The following DNAH5 variants were observed in gnomAD, a reference collection of about 807,000 sequenced individuals.
DNAH5 encodes the protein dynein axonemal heavy chain 5, also known as axonemal beta dynein heavy chain 5.
A neutral mutation model predicts 518.2 loss-of-function variants in DNAH5; 372 were observed. The observed-to-expected ratio is 0.72, with a 90% CI of 0.66 to 0.78. The LOEUF is 0.78. Ranked by LOEUF, DNAH5 falls within the 30% of genes least tolerant of loss-of-function variation. The probability of loss-of-function intolerance (pLI) is 0.00; values close to 1 mark genes in which losing one functional copy is unlikely to be tolerated. For synonymous variants in DNAH5, 2,039 were observed against 2,025.9 expected (o/e 1.01, Z -0.17); for missense variants, 5,523 against 5,687.0 (o/e 0.97, Z 0.93).
intron 59 of DNAH5, among the ~76,000 whole-genome samples, chr5:13,765,704 AAT>A (rs1441536160): frequency 6.6e-6 from 1 of 152,236 alleles, no homozygotes; most frequent in Non-Finnish European, 1.5e-5. Context: ...TATTCATGTG[AAT>A]ATAATATAAA....
At chr5:13,921,475 T>TCTCA (rs1554103992) in intron 5 of DNAH5, among the ~76,000 whole-genome samples, 6,747 of 72,958 alleles carry the variant, frequency 0.092, 235 homozygotes, top group South Asian at 0.18. Flanking sequence ...TATCTCTCTC[T>TCTCA]CACACACACA....
chr5:13,982,194 T>C (rs1032309652), intron 1 of DNAH5, among the ~76,000 whole-genome samples: 1 of 152,274 alleles, frequency 6.6e-6, no homozygotes, highest in Non-Finnish European at 1.5e-5. Context: ...GACAATAAAC[T>C]TTCAATTTTT....
At chr5:13,980,327 A>C (rs540629102) in intron 1 of DNAH5, among the ~76,000 whole-genome samples, 3 of 151,762 alleles carry the variant, frequency 2.0e-5, no homozygotes, top group Admixed American at 1.3e-4. Flanking sequence ...TGAACCTCCA[A>C]TTTCTTATCT....
At position 13,841,654 on chromosome 5, in the gene DNAH5, A is replaced by C. The variant is rs1371001677; in HGVS notation, c.5484+38T>G. ...GTAATGTCTGAGACTTAAAATGACT[A>C]TTTTACAAAACATACTTTCAAATTT... On this transcript the variant is annotated intron_variant, in intron 33 of 78. Coordinates refer to ENST00000265104, the MANE Select transcript of DNAH5 (RefSeq NM_001369.3). The C allele has an allele frequency of 3.3e-6, 5 of 1,516,616 alleles. No homozygotes were observed. In the African/African-American group the frequency reaches 6.9e-5, roughly 21 times the overall value. 93.9% of individuals were successfully genotyped at this position (1,516,616 alleles called of 1,614,324 possible). A position where few individuals can be genotyped will look rare whatever the true frequency, so the allele number is the denominator to read the frequency against.
chr5:13,841,272 T>A (rs1765121206), intron 33 of DNAH5, 142 bp from the exon 34 acceptor site: 1 of 704,202 alleles, frequency 1.4e-6, no homozygotes. Context: ...TTTCATAACC[T>A]ATGGAAATTC....
chr5:13,917,402 T>C (rs925736580), intron 7 of DNAH5, 146 bp from the exon 8 acceptor site: 13 of 686,736 alleles, frequency 1.9e-5, no homozygotes, highest in African/African-American at 3.6e-5. Context: ...GCGAGAGATA[T>C]TGCTATGCTG....
intron 1 of DNAH5, among the ~76,000 whole-genome samples, chr5:14,009,871 A>C: frequency 6.6e-6 from 1 of 152,238 alleles, no homozygotes; most frequent in Admixed American, 6.5e-5. Flanking sequence ...TCTTAGGAGA[A>C]GAATGTTGTG....
Position 13,692,113 on chromosome 5 carries a change from G to A in DNAH5, c.13746C>T (p.Tyr4582=), listed in dbSNP as rs369094478. The A allele has an allele frequency of 1.3e-5, 21 of 1,614,052 alleles. No homozygotes were observed. In the African/African-American group the frequency reaches 2.5e-4, roughly 19 times the overall value. The change falls in exon 79 of 79, where the codon TAC becomes TAT. Residue 4582 remains tyrosine, a synonymous_variant. Coordinates refer to ENST00000265104, the MANE Select transcript of DNAH5 (RefSeq NM_001369.3). Reference sequence around the variant, plus strand: ...CTGGCTTCTTATAGATGGGACAGGAGTAAAACCGAGGATCTCGTAAAGCTA... The same window carrying A: ...CTGGCTTCTTATAGATGGGACAGGAATAAAACCGAGGATCTCGTAAAGCTA... ...ENNTLRDPRF[Y]SCPIYKKPVR...
At chr5:13,701,248 TATA>T in intron 77 of DNAH5, 33 bp downstream of exon 77, 2 of 1,613,816 alleles carry the variant, frequency 1.2e-6, no homozygotes, top group South Asian at 1.1e-5. Flanking sequence ...GGAGGAAAAT[TATA>T]ATAACGCAAC....
chr5:13,869,548 G>A (rs1769776099), intron 24 of DNAH5, among the ~76,000 whole-genome samples: 1 of 151,768 alleles, frequency 6.6e-6, no homozygotes. Flanking sequence ...TTATGATTAT[G>A]GAAAGTTATT....
chr5:13,771,754 G>A (rs546446370), intron 55 of DNAH5, among the ~76,000 whole-genome samples: 24 of 152,116 alleles, frequency 1.6e-4, no homozygotes, highest in Middle Eastern at 3.4e-3. Context: ...CACAAAATAC[G>A]GTTAAAATTA....
chr5:13,885,918 T>C (rs1772357379), intron 18 of DNAH5, 46 bp downstream of exon 18: 2 of 1,569,522 alleles, frequency 1.3e-6, no homozygotes, highest in African/African-American at 1.4e-5. Flanking sequence ...TAGTTTTTAG[T>C]AAATGTCATA....
chr5:13,775,767 C>T (rs986371864), intron 55 of DNAH5, among the ~76,000 whole-genome samples: 2 of 152,068 alleles, frequency 1.3e-5, no homozygotes, highest in Non-Finnish European at 2.9e-5. Flanking sequence ...TCCGGCAACC[C>T]CCATCTACTT....
intron 70 of DNAH5, among the ~76,000 whole-genome samples, chr5:13,725,868 G>A (rs1346696124): frequency 1.3e-5 from 2 of 152,152 alleles, no homozygotes; most frequent in African/African-American, 2.4e-5. Flanking sequence ...TGGCCAGACT[G>A]GTCTTGAACC....
At chr5:13,877,037 A>G (rs1271311820) in intron 21 of DNAH5, among the ~76,000 whole-genome samples, 1 of 152,226 alleles carries the variant, frequency 6.6e-6, no homozygotes, top group Admixed American at 6.5e-5. Context: ...TTCAAGAACA[A>G]TGCTAAATCT....
At chr5:13,948,623 A>G (rs749310749), upstream of DNAH5, among the ~76,000 whole-genome samples, 26 of 152,212 alleles carry the variant, frequency 1.7e-4, no homozygotes, top group Non-Finnish European at 3.1e-4. Context: ...CTTGTGCTGC[A>G]ATTTTAAGTA....
chr5:13,731,487 C>A (rs542241407), intron 68 of DNAH5, among the ~76,000 whole-genome samples: 1 of 152,122 alleles, frequency 6.6e-6, no homozygotes, highest in Non-Finnish European at 1.5e-5. Context: ...CCAAAGTACA[C>A]AATTAGGCAC....
chr5:13,810,161 G>C lies in DNAH5; in HGVS notation c.7507C>G (p.Arg2503Gly). 1.3e-6 allele frequency: 2 copies of C among 1,548,302 alleles called. No homozygotes were observed. Among genetic ancestry groups the C allele is most frequent in the Non-Finnish European group, 1.7e-6 (2 of 1,145,588 alleles). Residue 2503 changes from arginine to glycine, a missense_variant, in exon 45 of 79, where the codon CGC becomes GGC. By Grantham distance (125) the Arg-to-Gly change is moderately radical. Coordinates refer to ENST00000265104, the MANE Select transcript of DNAH5 (RefSeq NM_001369.3). ...GAALELDGRRRLELWLRSRPT... is the reference protein window; with the variant it reads ...GAALELDGRRGLELWLRSRPT... ...CGAGAGCGCAGCCAGAGCTCCAGGC[G>C]GCGCCGTCCGTCCAGCTCCAGCGCC...
chr5:14,006,349 T>G (rs1185468671), intron 1 of DNAH5, among the ~76,000 whole-genome samples: 1 of 152,192 alleles, frequency 6.6e-6, no homozygotes, highest in Non-Finnish European at 1.5e-5. Flanking sequence ...CAGCTCAGGA[T>G]GCCGTCACCA....
Sources: gnomAD v4.1 joint callset for allele counts (sites outside exome capture counted in the v4.1 genomes callset) on GRCh38, gnomAD v4.1.1 for gene constraint, MANE v1.5 for transcripts, NCBI Gene and HGNC (gene_info 2026-07-23, HGNC 2026-07-21) for gene names.